Variants in PPOX observed in about 807,000 individuals in gnomAD.
The protein encoded by PPOX is protoporphyrinogen oxidase, also known as variegate porphyria.
PPOX carries 23 observed loss-of-function variants against 54.1 expected under a neutral mutation model. That is an observed-to-expected ratio of 0.43 (90% CI 0.31 to 0.60). PPOX has a LOEUF of 0.60. Ranked by LOEUF, PPOX falls within the 20% of genes least tolerant of loss-of-function variation. The probability of loss-of-function intolerance (pLI) is 0.13; values close to 1 mark genes in which losing one functional copy is unlikely to be tolerated. For synonymous variants in PPOX, 224 were observed against 236.1 expected, an observed-to-expected ratio of 0.95 and a Z score of 0.47; for missense variants, 512 against 601.1, an observed-to-expected ratio of 0.85 and a Z score of 1.55.
In PPOX at chr1:161,169,020, T is replaced by A. The variant is rs1453896607; in HGVS notation, c.644T>A (p.Leu215His). 2 of 1,614,192 alleles carry A rather than the reference T, an allele frequency of 1.2e-6. No homozygotes were observed. Among genetic ancestry groups the A allele is most frequent in the Non-Finnish European group, 1.7e-6 (2 of 1,180,042 alleles). ...AGRTPQPDSA[L>H]IRQALAERWS... is the part of the protein sequence containing the mutation. Reference sequence around the variant, plus strand: ...CGGACCCCACAGCCAGACTCAGCACTCATTCGCCAGGCCTTGGCTGAGCGC... The same window carrying A: ...CGGACCCCACAGCCAGACTCAGCACACATTCGCCAGGCCTTGGCTGAGCGC... Residue 215 changes from leucine (L) to histidine (H), a missense_variant, in exon 7 of 13, where the codon CTC becomes CAC. Leu to His is a moderately conservative substitution (Grantham distance 99). Coordinates refer to ENST00000367999, the MANE Select transcript of PPOX (RefSeq NM_001122764.3).
At chr1:161,167,855 G>T in intron 4 of PPOX, 140 bp from the exon 5 acceptor site, 1 of 1,400,404 alleles carries the variant, frequency 7.1e-7, no homozygotes, top group Non-Finnish European at 1.0e-6. Flanking sequence ...GAGCCACCAC[G>T]CCCGACCTGC....
At chr1:161,172,871 G>GA (rs1233807508), downstream of PPOX, among the ~76,000 whole-genome samples, 5,698 of 75,762 alleles carry the variant, frequency 0.075, 324 homozygotes, top group African/African-American at 0.21. Flanking sequence ...TAGAGAAAAA[G>GA]AAAAAAAAAA....
At chr1:161,176,805 G>T in intron 4 of PPOX, 1 of 1,497,598 alleles carries the variant, frequency 6.7e-7, no homozygotes, top group Non-Finnish European at 9.0e-7. Context: ...GACAGATTGG[G>T]GAGTGGGGAC....
downstream of PPOX, chr1:161,173,783 C>T: frequency 1.2e-6 from 2 of 1,611,666 alleles, no homozygotes. Context: ...CATCCCCAAC[C>T]ACAATCCGCT....
At chr1:161,176,023 G>A (rs1663379986), downstream of PPOX, 2 of 1,614,128 alleles carry the variant, frequency 1.2e-6, no homozygotes, top group East Asian at 2.2e-5. Context: ...CACAAGCAGG[G>A]CCAGCGTGCA....
In PPOX at chr1:161,167,327, A is replaced by C. The variant is rs764157731; in HGVS notation, c.223-44A>C. The C allele has an allele frequency of 2.5e-6, 4 of 1,613,914 alleles. No homozygotes were observed. In the South Asian group the frequency reaches 4.4e-5, roughly 18 times the overall value. ...GGAGGAAGTATGTTTGGTGGGTCAG[A>C]TCTTCCCTTAGTTTCTCCTCTTCTG... On this transcript the variant is annotated intron_variant, in intron 3 of 12. Coordinates refer to ENST00000367999, the MANE Select transcript of PPOX (RefSeq NM_001122764.3).
chr1:161,168,334 A>C, intron 5 of PPOX, 98 bp from the exon 6 acceptor site: 1 of 1,593,214 alleles, frequency 6.3e-7, no homozygotes, highest in Non-Finnish European at 8.6e-7. Flanking sequence ...CCCCCAACCC[A>C]AACCCTATCC....
chr1:161,177,711 C>T (rs938318297), downstream of PPOX: 1 of 152,784 alleles, frequency 6.5e-6, no homozygotes, highest in Non-Finnish European at 1.5e-5. Flanking sequence ...GATTTCATTT[C>T]CTGCCCCTCA....
chr1:161,177,518 G>A (rs1208092907), downstream of PPOX: 1 of 169,980 alleles, frequency 5.9e-6, no homozygotes, highest in Non-Finnish European at 1.3e-5. Flanking sequence ...GCGGGGTCTC[G>A]CGTCATGGGG....
Position 161,170,035 on chromosome 1 carries a change from G to A in PPOX, c.987+11G>A. On this transcript the variant is annotated intron_variant, in intron 9 of 12. Transcript: ENST00000367999. ...CATCTGCCTGTCCAGGTATGATAAA[G>A]GGACGGAGAGGCTGGGCATGGTGGC... The A allele has an allele frequency of 6.2e-7, 1 of 1,609,106 alleles. No individual in the cohort carries two copies. The highest frequency in any genetic ancestry group is 8.5e-7 in the Non-Finnish European group (1 of 1,178,078).
At chr1:161,169,826 T>C in intron 8 of PPOX, 80 bp from the exon 9 acceptor site, 2 of 1,614,086 alleles carry the variant, frequency 1.2e-6, no homozygotes, top group South Asian at 2.2e-5. Context: ...ACTGGTCATC[T>C]CTATGGGAGT....
chr1:161,175,809 T>C (rs1395035719), downstream of PPOX: 1 of 1,613,840 alleles, frequency 6.2e-7, no homozygotes, highest in Non-Finnish European at 8.5e-7. Context: ...TGCACTTACC[T>C]AAGAGAGGAG....
At chr1:161,167,751 G>C (rs1659637719) in intron 4 of PPOX, 4 of 699,288 alleles carry the variant, frequency 5.7e-6, no homozygotes, top group Non-Finnish European at 6.9e-6. Context: ...TTTTAGTAGA[G>C]ATGGGGTTTC....
chr1:161,169,338 T>C lies in PPOX; in HGVS notation c.807+155T>C, dbSNP rs1660289564. The C allele has an allele frequency of 5.6e-6, 5 of 886,424 alleles. No individual in the cohort carries two copies. The East Asian group carries it at 1.3e-4, about 23-fold the overall frequency. The allele number at this position is 886,424 out of a possible 1,614,324, so 54.9% of individuals were successfully genotyped here. On this transcript the variant is annotated intron_variant, in intron 7 of 12. Transcript: ENST00000367999. ...GGCTACCCCAGAATCCTAGGCCCTA[T>C]TTGTGAACCTTCCTCAAAGAGCCTA...
chr1:161,174,107 G>T, downstream of PPOX: 2 of 1,565,168 alleles, frequency 1.3e-6, no homozygotes. Flanking sequence ...AGAAAAGGGG[G>T]CTAAAGAATA....
At position 161,166,928 on chromosome 1, in the gene PPOX, C is replaced by T. The variant is rs150550095; in HGVS notation, c.81C>T (p.Pro27=). 6.2e-7 allele frequency: 1 copy of T among 1,613,976 alleles called. No homozygotes were observed. Among genetic ancestry groups the T allele is most frequent in the Admixed American group, 1.7e-5 (1 of 60,032 alleles). The part of the protein sequence containing the change: ...ASYHLSRAPC[P]PKVVLVESSE... ...ACCACCTGAGCCGGGCCCCCTGCCC[C>T]CCTAAGGTGAGTGCTCCACTTGTGC... The change falls in exon 2 of 13, where the codon CCC becomes CCT. Residue 27 remains proline, a synonymous_variant. Coordinates refer to ENST00000367999, the MANE Select transcript of PPOX (RefSeq NM_001122764.3).
chr1:161,175,058 G>T (rs1255130471), downstream of PPOX: 2 of 1,613,990 alleles, frequency 1.2e-6, no homozygotes, highest in African/African-American at 2.7e-5. Context: ...AGGTGGTAGA[G>T]CAGCAGGCGC....
chr1:161,174,512 T>C (rs931854743), downstream of PPOX, among the ~76,000 whole-genome samples: 7 of 152,236 alleles, frequency 4.6e-5, no homozygotes, highest in African/African-American at 1.7e-4. Context: ...TTTTTCCACT[T>C]AGTCATTTGA....
intron 2 of PPOX, 40 bp from the exon 3 acceptor site, chr1:161,167,060 C>G: frequency 6.2e-7 from 1 of 1,614,186 alleles, no homozygotes; most frequent in East Asian, 2.2e-5. Context: ...TCGCCGGCGG[C>G]TACAGGCGGT....
Sources: allele counts gnomAD v4.1 joint callset (sites outside exome capture counted in the v4.1 genomes callset), GRCh38; gene constraint gnomAD v4.1.1; transcripts MANE v1.5; gene names NCBI Gene and HGNC (gene_info 2026-07-23, HGNC 2026-07-21).